MYO1D: variants seen among roughly 807,000 people sequenced by gnomAD.
The protein encoded by MYO1D is myosin ID.
Under a neutral mutation model 122.0 loss-of-function variants are expected in MYO1D, and 83 were observed. That is an observed-to-expected ratio of 0.68 (90% CI 0.57 to 0.82). The LOEUF is 0.82. Ranked by LOEUF, MYO1D falls within the 40% of genes least tolerant of loss-of-function variation. The probability of loss-of-function intolerance (pLI) is 0.00; values close to 1 mark genes in which losing one functional copy is unlikely to be tolerated. For missense variants in MYO1D, 1,157 were observed against 1,269.5 expected, an observed-to-expected ratio of 0.91 and a Z score of 1.35; for synonymous variants, 464 against 446.9, an observed-to-expected ratio of 1.04 and a Z score of -0.48.
At chr17:32,534,730 T>C (rs1279844372) in intron 21 of MYO1D, among the ~76,000 whole-genome samples, 1 of 152,172 alleles carries the variant, frequency 6.6e-6, no homozygotes, top group African/African-American at 2.4e-5. Flanking sequence ...TAATATTAAT[T>C]CCTTGTTTTT....
At chr17:32,731,452 T>C (rs2089638179) in intron 14 of MYO1D, among the ~76,000 whole-genome samples, 1 of 152,262 alleles carries the variant, frequency 6.6e-6, no homozygotes, top group Admixed American at 6.5e-5. Context: ...ATATTCTCTT[T>C]CTGATCATTT....
chr17:32,851,574 C>G (rs1727301850), intron 1 of MYO1D, among the ~76,000 whole-genome samples: 1 of 152,248 alleles, frequency 6.6e-6, no homozygotes, highest in Non-Finnish European at 1.5e-5. Context: ...ACTCAATGGT[C>G]TCCTCCATTC....
intron 21 of MYO1D, chr17:32,510,511 T>C (rs1163733102): frequency 1.3e-5 from 2 of 152,206 alleles, no homozygotes; most frequent in Admixed American, 1.3e-4. Context: ...GCTTGGAGAA[T>C]TTGTATGCAT....
intron 21 of MYO1D, chr17:32,602,689 TC>T (rs1410905652): frequency 6.6e-6 from 1 of 152,126 alleles, no homozygotes; most frequent in Non-Finnish European, 1.5e-5. Flanking sequence ...AGCCCTTTCC[TC>T]CCAACTGCTG....
In MYO1D at chr17:32,798,454, G is replaced by GT. The variant is rs201546131; in HGVS notation, c.96-17671dup. Reference sequence around the variant, plus strand: ...TAATCTTCCTTGTGTCTAAGATAGCGTAAGTGGTTACTTCCCTTCCCCTGT... The same window carrying GT: ...TAATCTTCCTTGTGTCTAAGATAGCGTTAAGTGGTTACTTCCCTTCCCCTGT... On this transcript the variant is annotated intron_variant, in intron 1 of 21. Coordinates refer to ENST00000318217, the MANE Select transcript of MYO1D (RefSeq NM_015194.3). Among the ~76,000 whole-genome samples the GT allele has an allele frequency of 1.9e-3, 292 of 152,124 alleles. 1 individual carries two copies. The highest frequency in any genetic ancestry group is 6.1e-3 in the African/African-American group (253 of 41,478).
At chr17:32,808,659 C>T (rs886126909) in intron 1 of MYO1D, among the ~76,000 whole-genome samples, 30 of 152,232 alleles carry the variant, frequency 2.0e-4, no homozygotes, top group African/African-American at 7.0e-4. Context: ...ACCAGGTCAT[C>T]AAGGGTAGAG....
intron 1 of MYO1D, among the ~76,000 whole-genome samples, chr17:32,808,548 T>C (rs2090541095): frequency 6.6e-6 from 1 of 152,124 alleles, no homozygotes; most frequent in Non-Finnish European, 1.5e-5. Flanking sequence ...CTGAGCACTA[T>C]GAATGGAATA....
At chr17:32,670,320 T>G (rs1230745023) in intron 16 of MYO1D, among the ~76,000 whole-genome samples, 1 of 152,192 alleles carries the variant, frequency 6.6e-6, no homozygotes, top group Non-Finnish European at 1.5e-5. Context: ...AAAATATACA[T>G]GAAATATTTA....
chr17:32,617,023 A>C (rs2087778885), intron 20 of MYO1D, among the ~76,000 whole-genome samples: 2 of 152,188 alleles, frequency 1.3e-5, no homozygotes, highest in Non-Finnish European at 2.9e-5. Context: ...TCTATTAAAA[A>C]TACAAAAATT....
chr17:32,798,457 A>C (rs1011467828), intron 1 of MYO1D, among the ~76,000 whole-genome samples: 18 of 152,102 alleles, frequency 1.2e-4, no homozygotes, highest in African/African-American at 4.1e-4. Context: ...AGATAGCGTA[A>C]GTGGTTACTT....
intron 16 of MYO1D, among the ~76,000 whole-genome samples, chr17:32,663,174 C>T (rs528717275): frequency 6.6e-6 from 1 of 152,274 alleles, no homozygotes; most frequent in South Asian, 2.1e-4. Flanking sequence ...GCCTTGGCTT[C>T]CCAAAGTGCT....
chr17:32,767,199 C>T (rs2151020564), intron 7 of MYO1D, among the ~76,000 whole-genome samples: 1 of 152,260 alleles, frequency 6.6e-6, no homozygotes, highest in African/African-American at 2.4e-5. Flanking sequence ...ATGGTGTTGG[C>T]TCTGGGATGA....
intron 14 of MYO1D, among the ~76,000 whole-genome samples, chr17:32,724,771 C>T (rs902823532): frequency 1.3e-5 from 2 of 152,062 alleles, no homozygotes; most frequent in Non-Finnish European, 2.9e-5. Flanking sequence ...GCCCATAATT[C>T]AGCTTTGAAT....
At chr17:32,620,548 C>G (rs544292875) in intron 20 of MYO1D, among the ~76,000 whole-genome samples, 30 of 152,194 alleles carry the variant, frequency 2.0e-4, no homozygotes, top group African/African-American at 5.8e-4. Context: ...GCCAGGGAAC[C>G]CCCCCCTGCC....
At chr17:32,775,721 G>T in intron 4 of MYO1D, 143 bp downstream of exon 4, 1 of 768,548 alleles carries the variant, frequency 1.3e-6, no homozygotes, top group African/African-American at 1.8e-5. Flanking sequence ...GACAAAAGGA[G>T]AATACCTTAT....
In MYO1D at chr17:32,836,527, T is replaced by G. The variant is rs181750983; in HGVS notation, c.95+40251A>C. Among the ~76,000 whole-genome samples, 48 of 152,308 alleles carry G rather than the reference T, an allele frequency of 3.2e-4. 1 individual carries two copies. Among genetic ancestry groups the G allele is most frequent in the Middle Eastern group, 6.8e-3 (2 of 294 alleles). Reference sequence around the variant, plus strand: ...TCTGCCTTCTATGACGATCAGTCACTAATCAATTTGCCTACTCTTCCATCA... The same window carrying G: ...TCTGCCTTCTATGACGATCAGTCACGAATCAATTTGCCTACTCTTCCATCA... On this transcript the variant is annotated intron_variant, in intron 1 of 21. Transcript: ENST00000318217.
At position 32,764,295 on chromosome 17, in the gene MYO1D, C is replaced by T. The variant is rs150066831; in HGVS notation, c.1035+583G>A. Among the ~76,000 whole-genome samples the T allele has an allele frequency of 1.6e-4, 24 of 152,236 alleles. No homozygotes were observed. The East Asian group carries it at 4.2e-3, about 27-fold the overall frequency. On this transcript the variant is annotated intron_variant, in intron 8 of 21. Coordinates refer to ENST00000318217, the MANE Select transcript of MYO1D (RefSeq NM_015194.3). ...CGGGGTGGATGGAGAAAGTGTGAGA[C>T]GTTAGTCAAAGGGTAAAGTTTCAGT... is the stretch of plus-strand genomic sequence containing the variant.
chr17:32,691,004 G>T (rs944431194), intron 16 of MYO1D, among the ~76,000 whole-genome samples: 5 of 151,984 alleles, frequency 3.3e-5, no homozygotes, highest in Admixed American at 1.3e-4. Flanking sequence ...CCTCATGCTT[G>T]TAACCTCAGC....
intron 13 of MYO1D, among the ~76,000 whole-genome samples, chr17:32,740,404 T>C (rs1006888158): frequency 3.9e-5 from 6 of 152,180 alleles, no homozygotes; most frequent in African/African-American, 1.4e-4. Context: ...AATAGCAGAA[T>C]TGATACAAAA....
Sources: allele counts gnomAD v4.1 joint callset (sites outside exome capture counted in the v4.1 genomes callset), GRCh38; gene constraint gnomAD v4.1.1; transcripts MANE v1.5; gene names NCBI Gene and HGNC (gene_info 2026-07-23, HGNC 2026-07-21).